Variants in AFF3 observed in about 807,000 individuals in gnomAD.
The protein encoded by AFF3 is AF4/FMR2 family member 3.
AFF3 carries 32 observed loss-of-function variants against 129.7 expected under a neutral mutation model. The ratio of observed to expected loss-of-function variants is 0.25; its 90% confidence interval spans 0.19 to 0.33. The LOEUF is 0.33. AFF3 is among the 10% of genes least tolerant of loss of function. The probability of loss-of-function intolerance (pLI) is 1.00; values close to 1 mark genes in which losing one functional copy is unlikely to be tolerated. For synonymous variants in AFF3, 644 were observed against 635.4 expected (o/e 1.01, Z -0.20); for missense variants, 1,373 against 1,592.0 (o/e 0.86, Z 2.34).
rs995042887 is a variant in AFF3 at position 100,108,043 on chromosome 2, A to G, written c.-144-2460T>C. Among the ~76,000 whole-genome samples, 8 of 117,702 alleles carry G rather than the reference A, an allele frequency of 6.8e-5. 1 individual carries two copies. The South Asian group carries it at 2.1e-3, about 30-fold the overall frequency. 77.2% of individuals were successfully genotyped at this position (117,702 alleles called of 152,430 possible). A position where few individuals can be genotyped will look rare whatever the true frequency, so the allele number is the denominator to read the frequency against. ...CTGGAAGGTGATAGGAGCATCATCA[A>G]GCTGCCTCAGCCCCTACAGCATCTC... On this transcript the variant is annotated intron_variant, in intron 2 of 24. Transcript: ENST00000672756.
Position 99,727,091 on chromosome 2 carries a change from G to A in AFF3, c.1077C>T (p.Gly359=), listed in dbSNP as rs147561223. 1.2e-3 allele frequency: 1,877 copies of A among 1,607,538 alleles called. 24 individuals are homozygous for A. The South Asian group carries it at 0.014, about 12-fold the overall frequency. ...GDAEPESPDN[G]TSNTSMLEDD... ...AAGAAACTTACGATGTATTCGATGTGCCATTGTCTGGACTCTCTGGCTCTG... is the reference window on the plus strand; with the variant it reads ...AAGAAACTTACGATGTATTCGATGTACCATTGTCTGGACTCTCTGGCTCTG... The change falls in exon 11 of 25, where the codon GGC becomes GGT. Residue 359 remains glycine, a synonymous_variant. Transcript: ENST00000672756.
At chr2:99,823,806 G>A (rs1311219038) in intron 8 of AFF3, among the ~76,000 whole-genome samples, 2 of 152,196 alleles carry the variant, frequency 1.3e-5, no homozygotes, top group Admixed American at 6.5e-5. Flanking sequence ...TTGCGGCAAC[G>A]TGGATGGAGC....
At chr2:100,038,881 C>T (rs1226853431) in intron 4 of AFF3, among the ~76,000 whole-genome samples, 2 of 151,942 alleles carry the variant, frequency 1.3e-5, no homozygotes, top group African/African-American at 4.8e-5. Flanking sequence ...CACGACCACG[C>T]CCGGCTAATT....
chr2:99,888,716 T>A (rs1384754045), intron 7 of AFF3, among the ~76,000 whole-genome samples: 1 of 152,156 alleles, frequency 6.6e-6, no homozygotes, highest in East Asian at 1.9e-4. Context: ...ACTGTATCTT[T>A]TTTTTTTTAA....
intron 11 of AFF3, among the ~76,000 whole-genome samples, chr2:99,703,478 T>A (rs1677066684): frequency 6.6e-6 from 1 of 152,196 alleles, no homozygotes; most frequent in South Asian, 2.1e-4. Flanking sequence ...CCTATGAATG[T>A]CCGATTGTTT....
At chr2:99,558,631 A>G (rs187646335) in intron 22 of AFF3, among the ~76,000 whole-genome samples, 2 of 152,276 alleles carry the variant, frequency 1.3e-5, no homozygotes, top group African/African-American at 4.8e-5. Context: ...CCAAAAATAC[A>G]TAAAAAAATA....
At chr2:99,763,739 A>G (rs1682795993) in intron 8 of AFF3, among the ~76,000 whole-genome samples, 1 of 152,242 alleles carries the variant, frequency 6.6e-6, no homozygotes, top group East Asian at 1.9e-4. Context: ...CCAGCAAATA[A>G]CCAAAAAGAC....
chr2:99,757,495 C>A (rs940459), intron 8 of AFF3, among the ~76,000 whole-genome samples: 1 of 152,110 alleles, frequency 6.6e-6, no homozygotes, highest in South Asian at 2.1e-4. Context: ...ATATTATGCA[C>A]GATTTTAAAC....
At chr2:100,014,882 C>G (rs1682870161) in intron 4 of AFF3, among the ~76,000 whole-genome samples, 1 of 149,232 alleles carries the variant, frequency 6.7e-6, no homozygotes, top group Non-Finnish European at 1.5e-5. Context: ...CTCCCAGGTT[C>G]AAGTGATTCT....
At chr2:100,125,155 T>C (rs1442813285) in intron 2 of AFF3, among the ~76,000 whole-genome samples, 1 of 152,112 alleles carries the variant, frequency 6.6e-6, no homozygotes, top group Non-Finnish European at 1.5e-5. Context: ...TGTTGAAAGT[T>C]GATAAAATGA....
At chr2:99,607,046 G>T (rs1680434097) in intron 13 of AFF3, among the ~76,000 whole-genome samples, 1 of 151,522 alleles carries the variant, frequency 6.6e-6, no homozygotes, top group Non-Finnish European at 1.5e-5. Context: ...CCTCTTGGAT[G>T]GTTTGTTTAC....
chr2:99,957,240 C>T (rs1676750446), intron 7 of AFF3, among the ~76,000 whole-genome samples: 1 of 152,088 alleles, frequency 6.6e-6, no homozygotes, highest in Non-Finnish European at 1.5e-5. Flanking sequence ...ATACCTTATT[C>T]AATTCAACAT....
intron 18 of AFF3, among the ~76,000 whole-genome samples, chr2:99,570,803 G>C (rs903969744): frequency 6.6e-6 from 1 of 152,150 alleles, no homozygotes; most frequent in East Asian, 1.9e-4. Flanking sequence ...ATCCTGGTCC[G>C]AGGAGCTCTG....
At position 99,550,724 on chromosome 2, in the gene AFF3, TA is replaced by T; in HGVS notation, c.*749del. ...ACTTTCAAAGACGCCGCGTTTTTGCTAAATCTCAGTGCCATTTGCATACTAC... is the reference window on the plus strand; with the variant it reads ...ACTTTCAAAGACGCCGCGTTTTTGCTAATCTCAGTGCCATTTGCATACTAC... On this transcript the variant is annotated 3_prime_UTR_variant, in exon 25 of 25. Transcript: ENST00000672756. 4.3e-6 allele frequency: 1 copy of T among 233,130 alleles called. No individual in the cohort carries two copies. The highest frequency in any genetic ancestry group is 6.0e-5 in the East Asian group (1 of 16,556). 14.4% of individuals were successfully genotyped at this position (233,130 alleles called of 1,614,324 possible).
intron 2 of AFF3, among the ~76,000 whole-genome samples, chr2:100,119,124 A>C (rs891554449): frequency 6.6e-6 from 1 of 152,180 alleles, no homozygotes; most frequent in Non-Finnish European, 1.5e-5. Flanking sequence ...TTGTATACAC[A>C]TAGTCTTAAT....
At chr2:99,965,939 C>T (rs1677698550) in intron 7 of AFF3, among the ~76,000 whole-genome samples, 1 of 152,118 alleles carries the variant, frequency 6.6e-6, no homozygotes, top group South Asian at 2.1e-4. Flanking sequence ...AACACAAATG[C>T]CTCATGATGA....
chr2:99,607,154 G>T (rs1361004811), intron 13 of AFF3, among the ~76,000 whole-genome samples: 1 of 152,040 alleles, frequency 6.6e-6, no homozygotes, highest in Non-Finnish European at 1.5e-5. Context: ...TAAATGATCT[G>T]CTTGGTGTGT....
chr2:99,625,787 G>C (rs1213362816), intron 13 of AFF3, among the ~76,000 whole-genome samples: 1 of 152,206 alleles, frequency 6.6e-6, no homozygotes. Flanking sequence ...AATATCATAT[G>C]AGTCTATTTC....
At chr2:99,782,466 G>A (rs1000981690) in intron 8 of AFF3, among the ~76,000 whole-genome samples, 5 of 152,318 alleles carry the variant, frequency 3.3e-5, no homozygotes, top group East Asian at 1.9e-4. Flanking sequence ...CTGTGCTGCC[G>A]CCATAGGAAG....
Sources: gnomAD v4.1 joint callset for allele counts (sites outside exome capture counted in the v4.1 genomes callset) on GRCh38, gnomAD v4.1.1 for gene constraint, MANE v1.5 for transcripts, NCBI Gene and HGNC (gene_info 2026-07-23, HGNC 2026-07-21) for gene names.